The following PDE1C variants were observed in gnomAD, a reference collection of about 807,000 sequenced individuals.
PDE1C encodes dual specificity calcium/calmodulin-dependent 3',5'-cyclic nucleotide phosphodiesterase 1C.
PDE1C carries 62 observed loss-of-function variants against 93.1 expected under a neutral mutation model. That is an observed-to-expected ratio of 0.67 (90% CI 0.54 to 0.82). The LOEUF is 0.82. Among genes scored for constraint, PDE1C ranks in the 40% least tolerant of loss-of-function variants. The pLI, the probability that PDE1C is intolerant of heterozygous loss-of-function variation, is 0.00. For synonymous variants in PDE1C, 325 were observed against 310.1 expected (o/e 1.05, Z -0.50); for missense variants, 742 against 884.6 (o/e 0.84, Z 2.04).
chr7:32,406,614 C>T (rs951893869), intron 1 of PDE1C, among the ~76,000 whole-genome samples: 1 of 151,128 alleles, frequency 6.6e-6, no homozygotes, highest in African/African-American at 2.4e-5. Flanking sequence ...CAATATTTTT[C>T]AGAAGGGTTT....
chr7:32,380,619 A>G (rs1297551468), intron 1 of PDE1C, among the ~76,000 whole-genome samples: 1 of 151,960 alleles, frequency 6.6e-6, no homozygotes, highest in Non-Finnish European at 1.5e-5. Flanking sequence ...TTCAAGATCA[A>G]CAATGACCTT....
At chr7:32,003,625 C>T (rs1262528023) in intron 2 of PDE1C, among the ~76,000 whole-genome samples, 2 of 152,182 alleles carry the variant, frequency 1.3e-5, no homozygotes, top group African/African-American at 4.8e-5. Flanking sequence ...ATTATAACAA[C>T]ATAGCTATGA....
At chr7:31,831,954 T>G (rs1583514836) in intron 11 of PDE1C, among the ~76,000 whole-genome samples, 2 of 152,088 alleles carry the variant, frequency 1.3e-5, no homozygotes, top group African/African-American at 4.8e-5. Context: ...CCCCTGAAAT[T>G]GTTAAGAACA....
chr7:31,982,421 T>C (rs1299795176), intron 2 of PDE1C, among the ~76,000 whole-genome samples: 2 of 152,204 alleles, frequency 1.3e-5, no homozygotes, highest in Non-Finnish European at 2.9e-5. Context: ...CAGGTAGGCA[T>C]GACAGTAAAC....
intron 17 of PDE1C, among the ~76,000 whole-genome samples, chr7:31,758,270 A>G (rs1036695213): frequency 6.6e-6 from 1 of 151,962 alleles, no homozygotes; most frequent in African/African-American, 2.4e-5. Context: ...CGTTGTGCAC[A>G]TGTACCCTAG....
chr7:31,857,849 C>T (rs549190075), intron 7 of PDE1C, among the ~76,000 whole-genome samples: 5 of 152,200 alleles, frequency 3.3e-5, no homozygotes, highest in South Asian at 2.1e-4. Flanking sequence ...GTTTTCAAAA[C>T]GTGTAGGTAC....
intron 1 of PDE1C, among the ~76,000 whole-genome samples, chr7:32,330,037 C>A (rs1219490106): frequency 6.6e-6 from 1 of 152,230 alleles, no homozygotes; most frequent in Non-Finnish European, 1.5e-5. Flanking sequence ...AATATAGCAT[C>A]TCCCAGATCA....
At chr7:31,672,061 G>A in the PDE1C span, among the ~76,000 whole-genome samples, 4 of 152,078 alleles carry the variant, frequency 2.6e-5, no homozygotes, top group Non-Finnish European at 4.4e-5. Flanking sequence ...CTTTCCTAAA[G>A]CCCTGTTTTT....
intron 2 of PDE1C, among the ~76,000 whole-genome samples, chr7:31,987,542 C>T (rs2129069450): frequency 6.6e-6 from 1 of 152,308 alleles, no homozygotes; most frequent in South Asian, 2.1e-4. Flanking sequence ...GCTGCAGTCT[C>T]CTCACAGAGC....
chr7:31,782,055 T>C (rs920095445), intron 16 of PDE1C, among the ~76,000 whole-genome samples: 1 of 152,186 alleles, frequency 6.6e-6, no homozygotes, highest in African/African-American at 2.4e-5. Context: ...CAAAGCGTTA[T>C]GTACAAAGAG....
chr7:32,377,755 T>C (rs1784456727), intron 1 of PDE1C, among the ~76,000 whole-genome samples: 1 of 152,142 alleles, frequency 6.6e-6, no homozygotes, highest in African/African-American at 2.4e-5. Flanking sequence ...TAGTAAATGG[T>C]GGAATTGGGA....
intron 11 of PDE1C, among the ~76,000 whole-genome samples, chr7:31,834,430 C>A (rs528415383): frequency 6.6e-6 from 1 of 152,136 alleles, no homozygotes; most frequent in Non-Finnish European, 1.5e-5. Flanking sequence ...GGAAAGCAGT[C>A]AGGAGGGAGG....
the PDE1C span, among the ~76,000 whole-genome samples, chr7:31,663,444 C>G: frequency 0.021 from 3,189 of 152,250 alleles, 122 homozygotes; most frequent in African/African-American, 0.072. Context: ...GAGAGTTTAT[C>G]TTGCAGTTTT....
At chr7:31,659,018 G>A in the PDE1C span, among the ~76,000 whole-genome samples, 3 of 151,964 alleles carry the variant, frequency 2.0e-5, no homozygotes, top group East Asian at 5.8e-4. Context: ...ATTTGCTCAG[G>A]GCAATCTACC....
At chr7:31,950,181 A>G (rs1807175146) in intron 2 of PDE1C, among the ~76,000 whole-genome samples, 1 of 152,202 alleles carries the variant, frequency 6.6e-6, no homozygotes, top group African/African-American at 2.4e-5. Context: ...CTCCCATTTG[A>G]ATATTTATCA....
the PDE1C span, among the ~76,000 whole-genome samples, chr7:31,715,493 T>C: frequency 3.3e-5 from 5 of 152,156 alleles, no homozygotes; most frequent in Non-Finnish European, 7.4e-5. Flanking sequence ...CCTGTCTTGG[T>C]CTCCCAAAGT....
chr7:32,039,079 T>C (rs1375100313), intron 2 of PDE1C, among the ~76,000 whole-genome samples: 1 of 152,114 alleles, frequency 6.6e-6, no homozygotes, highest in Non-Finnish European at 1.5e-5. Flanking sequence ...CAGTATTATA[T>C]TGTTATTATT....
At chr7:32,298,434 C>A (rs1812765562) in intron 1 of PDE1C, among the ~76,000 whole-genome samples, 1 of 152,108 alleles carries the variant, frequency 6.6e-6, no homozygotes, top group South Asian at 2.1e-4. Context: ...CCGCGCGACG[C>A]CGGGTCGGAG....
At chr7:31,786,941 CTATCTATCTATCTATCATCTATCT>C (rs1313599065) in intron 16 of PDE1C, 5 of 99,958 alleles carry the variant, frequency 5.0e-5, no homozygotes, top group African/African-American at 1.9e-4. Flanking sequence ...ATCTATCTAT[CTATCTATCTATCTATCATCTATCT>C]ATCTATCTAT....
Sources: allele counts gnomAD v4.1 joint callset (sites outside exome capture counted in the v4.1 genomes callset), GRCh38; gene constraint gnomAD v4.1.1; transcripts MANE v1.5; gene names NCBI Gene and HGNC (gene_info 2026-07-23, HGNC 2026-07-21).